Variants in MEI1 observed in about 807,000 individuals in gnomAD.
MEI1 encodes the protein meiosis inhibitor protein 1.
Under a neutral mutation model 146.2 loss-of-function variants are expected in MEI1, and 103 were observed. That is an observed-to-expected ratio of 0.70 (90% confidence interval 0.60 to 0.83). MEI1 has a LOEUF of 0.83. MEI1 is among the 40% of genes least tolerant of loss of function. The pLI is 0.00. For missense variants in MEI1, 1,529 were observed against 1,533.0 expected (o/e 1.00, Z 0.04); for synonymous variants, 652 against 628.2 (o/e 1.04, Z -0.57).
rs574501266 is a variant in MEI1, at chr22:41,752,318, A to C, written c.1793-273A>C. The stretch of plus-strand genomic sequence containing the variant: ...ATGGAAGAAAATGAACACTTATTGC[A>C]GCACTTACTTTGAGCCAAGTATTTG... On this transcript the variant is annotated intron_variant, in intron 15 of 30. Transcript: ENST00000401548. 1.6e-4 allele frequency: 66 copies of C among 423,812 alleles called. 1 individual carries two copies. In the South Asian group the frequency reaches 2.0e-3, roughly 13 times the overall value. 26.3% of individuals were successfully genotyped at this position (423,812 alleles called of 1,614,324 possible). A position where few individuals can be genotyped will look rare whatever the true frequency, so the allele number is the denominator to read the frequency against.
chr22:41,765,265 C>T (rs1237881928), intron 19 of MEI1, among the ~76,000 whole-genome samples: 3 of 152,198 alleles, frequency 2.0e-5, no homozygotes, highest in Non-Finnish European at 4.4e-5. Context: ...ATCCACCCAC[C>T]TCAGCCTTTC....
At chr22:41,734,074 G>A (rs1017790469) in intron 11 of MEI1, among the ~76,000 whole-genome samples, 1 of 151,234 alleles carries the variant, frequency 6.6e-6, no homozygotes, top group African/African-American at 2.4e-5. Flanking sequence ...GTTGCAGTGA[G>A]TGGAGATCAC....
intron 18 of MEI1, among the ~76,000 whole-genome samples, chr22:41,761,561 G>A (rs565288636): frequency 5.3e-5 from 8 of 151,886 alleles, no homozygotes; most frequent in East Asian, 2.0e-4. Context: ...TGATCTGCCC[G>A]CCTCGGCCTC....
intron 16 of MEI1, 90 bp downstream of exon 16, chr22:41,752,741 G>A (rs1487517520): frequency 6.9e-6 from 8 of 1,151,264 alleles, no homozygotes; most frequent in Non-Finnish European, 7.7e-6. Context: ...GTGTGTTTTA[G>A]TCATGGGCTC....
rs371873291 is a variant in MEI1 at position 41,773,092 on chromosome 22, C to T, written c.2544+2131C>T. Among the ~76,000 whole-genome samples the T allele has an allele frequency of 3.8e-4, 58 of 152,296 alleles. 2 individuals carry two copies. The South Asian group carries it at 0.011, about 30-fold the overall frequency. ...GAGACCAAATACTTAGAGTCTACAT[C>T]CCAGGGAAGCTGGAGTGGATGCCCC... On this transcript the variant is annotated intron_variant, in intron 20 of 30. Coordinates refer to ENST00000401548, the MANE Select transcript of MEI1 (RefSeq NM_152513.4).
At chr22:41,747,358 G>A (rs1231359890) in intron 14 of MEI1, 1 of 152,648 alleles carries the variant, frequency 6.6e-6, no homozygotes, top group African/African-American at 2.4e-5. Context: ...ATCACAACCA[G>A]TTACAGATTT....
intron 26 of MEI1, among the ~76,000 whole-genome samples, chr22:41,785,241 T>TTTATTTATTTA (rs2075920412): frequency 6.7e-6 from 1 of 148,998 alleles, no homozygotes. Flanking sequence ...GGCATTTTTA[T>TTTATTTATTTA]TTTATTTATT....
intron 19 of MEI1, among the ~76,000 whole-genome samples, chr22:41,767,939 G>C (rs1009069685): frequency 3.9e-5 from 6 of 152,196 alleles, no homozygotes; most frequent in African/African-American, 1.4e-4. Flanking sequence ...GCTGAGAGCA[G>C]AGTATGATTT....
Position 41,730,630 on chromosome 22 carries a change from G to A in MEI1, c.1089G>A (p.Thr363=), listed in dbSNP as rs1408217272. The change falls in exon 9 of 31, where the codon ACG becomes ACA. Residue 363 remains threonine, a synonymous_variant. Coordinates refer to ENST00000401548, the MANE Select transcript of MEI1 (RefSeq NM_152513.4). ...EEPLFFSKCH[T]VYGIEAVVRS... ...CACTCTTTTTTTCCAAGTGCCACAC[G>A]GTGTATGGTTGGTAGTAAGGGTCCT... is the stretch of plus-strand genomic sequence containing the variant. 13 of 1,610,864 alleles carry A rather than the reference G, an allele frequency of 8.1e-6. No individual in the cohort carries two copies. The highest frequency in any genetic ancestry group is 1.0e-5 in the Non-Finnish European group (12 of 1,177,276).
chr22:41,743,447 C>G (rs2073040762), intron 12 of MEI1, among the ~76,000 whole-genome samples: 1 of 48,064 alleles, frequency 2.1e-5, no homozygotes, highest in Admixed American at 1.2e-4. Flanking sequence ...CTATAAAGTA[C>G]CTAAGCCTAG....
intron 15 of MEI1, among the ~76,000 whole-genome samples, chr22:41,749,124 T>A (rs897212492): frequency 1.3e-5 from 2 of 152,092 alleles, no homozygotes; most frequent in Non-Finnish European, 2.9e-5. Context: ...ATCTCTGTGC[T>A]ATATTTGGCT....
chr22:41,729,718 T>C lies in MEI1; in HGVS notation c.918T>C (p.Thr306=). The change falls in exon 8 of 31, where the codon ACT becomes ACC. Residue 306 remains threonine, a synonymous_variant. Coordinates refer to ENST00000401548, the MANE Select transcript of MEI1 (RefSeq NM_152513.4). Reference sequence around the variant, plus strand: ...AGGTGGCCAGTGCTCACTGTATAACTGCGGTGCTTGTCCACTCCCCAGCAA... The same window carrying C: ...AGGTGGCCAGTGCTCACTGTATAACCGCGGTGCTTGTCCACTCCCCAGCAA... ...TLQVASAHCI[T]AVLVHSPAKH... 2 of 1,612,368 alleles carry C rather than the reference T, an allele frequency of 1.2e-6. No homozygotes were observed. The highest frequency in any genetic ancestry group is 1.3e-5 in the African/African-American group (1 of 75,036).
chr22:41,784,580 T>C (rs6002482), intron 25 of MEI1, 28 bp from the exon 26 acceptor site: 82,942 of 1,607,548 alleles, frequency 0.052, 10,836 homozygotes, highest in African/African-American at 0.51. Context: ...GAGACAGGAA[T>C]TGGGTGTAAG....
At chr22:41,739,330 T>A (rs1363544182) in intron 11 of MEI1, among the ~76,000 whole-genome samples, 2 of 152,178 alleles carry the variant, frequency 1.3e-5, no homozygotes, top group African/African-American at 4.8e-5. Context: ...ATAATGTACC[T>A]AAAACTGGTA....
At chr22:41,788,137 C>G (rs1239089859) in intron 26 of MEI1, among the ~76,000 whole-genome samples, 1 of 151,370 alleles carries the variant, frequency 6.6e-6, no homozygotes, top group Non-Finnish European at 1.5e-5. Flanking sequence ...TTAAGTGATT[C>G]TCCTGCCTCA....
At chr22:41,730,762 T>C in intron 9 of MEI1, 125 bp downstream of exon 9, 7 of 643,820 alleles carry the variant, frequency 1.1e-5, no homozygotes, top group South Asian at 1.1e-4. Flanking sequence ...AGACATTTCA[T>C]CAGCCCAAAC....
At chr22:41,749,642 C>T (rs2073607228) in intron 15 of MEI1, among the ~76,000 whole-genome samples, 1 of 152,158 alleles carries the variant, frequency 6.6e-6, no homozygotes, top group Admixed American at 6.5e-5. Context: ...GTTCAGATTT[C>T]TGTTTCAGAA....
At position 41,784,440 on chromosome 22, in the gene MEI1, C is replaced by A. The variant is rs1027631087; in HGVS notation, c.3169+20C>A. On this transcript the variant is annotated intron_variant, in intron 25 of 30. Coordinates refer to ENST00000401548, the MANE Select transcript of MEI1 (RefSeq NM_152513.4). Reference sequence around the variant, plus strand: ...TCTCAGGTATGGGTCCACAAGTCTCCAGCAGAAGAAAAGCTTTTTCCCTAG... The same window carrying A: ...TCTCAGGTATGGGTCCACAAGTCTCAAGCAGAAGAAAAGCTTTTTCCCTAG... 1 of 1,613,082 alleles carries A rather than the reference C, an allele frequency of 6.2e-7. No individual in the cohort carries two copies. The highest frequency in any genetic ancestry group is 2.2e-5 in the East Asian group (1 of 44,884).
At chr22:41,794,572 C>T in intron 28 of MEI1, 95 bp downstream of exon 28, 1 of 1,022,906 alleles carries the variant, frequency 9.8e-7, no homozygotes, top group Non-Finnish European at 1.5e-6. Flanking sequence ...TAACCCTAAT[C>T]CTTAAAGAAG....
Sources: gnomAD v4.1 joint callset for allele counts (sites outside exome capture counted in the v4.1 genomes callset) on GRCh38, gnomAD v4.1.1 for gene constraint, MANE v1.5 for transcripts, NCBI Gene and HGNC (gene_info 2026-07-23, HGNC 2026-07-21) for gene names.